The following ARHGEF4 variants were observed in gnomAD, a reference collection of about 807,000 sequenced individuals.
The protein encoded by ARHGEF4 is Rho guanine nucleotide exchange factor 4, also known as APC-stimulated guanine nucleotide exchange factor 1.
A neutral mutation model predicts 162.0 loss-of-function variants in ARHGEF4; 119 were observed. The ratio of observed to expected loss-of-function variants is 0.73; its 90% CI spans 0.63 to 0.86. The LOEUF is 0.86. ARHGEF4 is among the 40% of genes least tolerant of loss of function. The pLI is 0.00. For synonymous variants in ARHGEF4, 1,014 were observed against 979.9 expected, an observed-to-expected ratio of 1.03 and a Z score of -0.65; for missense variants, 2,488 against 2,456.0, an observed-to-expected ratio of 1.01 and a Z score of -0.28.
At chr2:130,856,387 G>A (rs1681786630) in intron 1 of ARHGEF4, among the ~76,000 whole-genome samples, 1 of 151,984 alleles carries the variant, frequency 6.6e-6, no homozygotes, top group African/African-American at 2.4e-5. Context: ...ACATATATGG[G>A]GATAAAAGGA....
chr2:130,932,539 C>G (rs547992152), intron 3 of ARHGEF4, among the ~76,000 whole-genome samples: 3 of 152,310 alleles, frequency 2.0e-5, no homozygotes, highest in Admixed American at 2.0e-4. Flanking sequence ...GAATGTAAGA[C>G]CATTATAAGA....
chr2:131,020,843 T>C (rs2105352603), intron 4 of ARHGEF4, among the ~76,000 whole-genome samples: 1 of 152,318 alleles, frequency 6.6e-6, no homozygotes, highest in Non-Finnish European at 1.5e-5. Flanking sequence ...CCACATCCTC[T>C]CCAGCACCTG....
chr2:130,837,150 C>T (rs1187718379), intron 1 of ARHGEF4, among the ~76,000 whole-genome samples, 158 bp downstream of exon 1: 1 of 152,092 alleles, frequency 6.6e-6, no homozygotes, highest in Non-Finnish European at 1.5e-5. Flanking sequence ...AACTTTCCGA[C>T]GTGCAGACCG....
intron 1 of ARHGEF4, among the ~76,000 whole-genome samples, chr2:130,856,699 T>A (rs1440497847): frequency 1.3e-5 from 2 of 152,240 alleles, no homozygotes; most frequent in Non-Finnish European, 2.9e-5. Flanking sequence ...ATATACCTAA[T>A]GTTAAATGAC....
chr2:130,907,682 G>A lies in ARHGEF4; in HGVS notation c.40-6304G>A, dbSNP rs574579851. On this transcript the variant is annotated intron_variant, in intron 1 of 13. Transcript: ENST00000409359. ...AATTTTGTATATTGAGTCCAGGTGC[G>A]GTGGCCCACGCCTGTAATCCCAGCA... Among the ~76,000 whole-genome samples, 12 of 151,804 alleles carry A rather than the reference G, an allele frequency of 7.9e-5. No homozygotes were observed. The South Asian group carries it at 8.3e-4, about 11-fold the overall frequency.
At chr2:131,025,031 C>T (rs564755116) in intron 4 of ARHGEF4, among the ~76,000 whole-genome samples, 3 of 152,172 alleles carry the variant, frequency 2.0e-5, no homozygotes, top group South Asian at 4.1e-4. Context: ...GCCTCCAGGT[C>T]GGAGACAGAG....
At chr2:130,953,924 G>A (rs1684112033) in intron 4 of ARHGEF4, among the ~76,000 whole-genome samples, 1 of 152,226 alleles carries the variant, frequency 6.6e-6, no homozygotes, top group Non-Finnish European at 1.5e-5. Flanking sequence ...AGAGAATGTG[G>A]AGAAATAGGA....
chr2:130,865,178 G>A (rs1362768987), intron 1 of ARHGEF4, among the ~76,000 whole-genome samples: 1 of 152,234 alleles, frequency 6.6e-6, no homozygotes, highest in Non-Finnish European at 1.5e-5. Context: ...TCTCAGAAGA[G>A]AGAGGAAATT....
At chr2:130,886,636 G>A (rs1215999830) in intron 1 of ARHGEF4, among the ~76,000 whole-genome samples, 4 of 150,630 alleles carry the variant, frequency 2.7e-5, no homozygotes, top group East Asian at 1.9e-4. Context: ...AGCCGAGATC[G>A]CGCCACTGCA....
chr2:130,952,887 T>C (rs1684040189), intron 4 of ARHGEF4, among the ~76,000 whole-genome samples: 1 of 152,082 alleles, frequency 6.6e-6, no homozygotes, highest in East Asian at 1.9e-4. Context: ...TACAAACCAC[T>C]GCTCAATGAA....
intron 1 of ARHGEF4, among the ~76,000 whole-genome samples, chr2:130,844,601 T>A (rs1209700244): frequency 6.6e-6 from 1 of 152,122 alleles, no homozygotes; most frequent in Non-Finnish European, 1.5e-5. Flanking sequence ...AAGCTGCCCC[T>A]CTTCCCAGGG....
chr2:130,911,721 G>A (rs375172701), intron 1 of ARHGEF4, among the ~76,000 whole-genome samples: 1 of 152,264 alleles, frequency 6.6e-6, no homozygotes, highest in Non-Finnish European at 1.5e-5. Flanking sequence ...TTGAGACTGA[G>A]GGAGGCCTCT....
intron 1 of ARHGEF4, among the ~76,000 whole-genome samples, chr2:130,907,902 A>G (rs972359578): frequency 2.0e-5 from 3 of 151,286 alleles, no homozygotes; most frequent in Non-Finnish European, 2.9e-5. Flanking sequence ...GGTTGCAGTG[A>G]GCCGAGATCA....
At chr2:130,905,257 A>G (rs1185180849) in intron 1 of ARHGEF4, among the ~76,000 whole-genome samples, 3 of 152,130 alleles carry the variant, frequency 2.0e-5, no homozygotes, top group African/African-American at 7.2e-5. Flanking sequence ...CATTTTGTGT[A>G]TATAGCTTAA....
chr2:130,934,594 G>C (rs1682830456), intron 3 of ARHGEF4, among the ~76,000 whole-genome samples: 1 of 152,168 alleles, frequency 6.6e-6, no homozygotes, highest in African/African-American at 2.4e-5. Flanking sequence ...CCAGGCTAGA[G>C]TGCAGCAGCA....
chr2:130,995,827 G>A (rs1200179148), intron 4 of ARHGEF4, among the ~76,000 whole-genome samples: 1 of 151,568 alleles, frequency 6.6e-6, no homozygotes, highest in African/African-American at 2.4e-5. Flanking sequence ...ACCCCTTGGG[G>A]CACTCTTGCA....
Position 130,916,875 on chromosome 2 carries a change from G to A in ARHGEF4, c.2929G>A (p.Glu977Lys), listed in dbSNP as rs1178310406. ...CCTAGTGAGTCTGCCTCTAGGACCC[G>A]AAGTTCTCTCCCCAGCAGAGACCGA... Reference protein sequence around the residue: ...PTLVSLPLGPEVLSPAETDSH... With the variant: ...PTLVSLPLGPKVLSPAETDSH... Residue 977 changes from glutamate to lysine, a missense_variant, in exon 2 of 14, where the codon GAA (glutamate) becomes AAA (lysine). Glu to Lys is a moderately conservative substitution (Grantham distance 56). Around this residue, in one of 6 missense-constraint regions of ARHGEF4, gnomAD observed 1,642 missense variants for 1,481.5 expected, o/e 1.11. Transcript: ENST00000409359. 6.5e-7 allele frequency: 1 copy of A among 1,550,350 alleles called. No individual in the cohort carries two copies. The highest frequency in any genetic ancestry group is 8.7e-7 in the Non-Finnish European group (1 of 1,146,984).
intron 2 of ARHGEF4, among the ~76,000 whole-genome samples, chr2:130,925,035 A>AGTGTGTGTGT (rs55986926): frequency 4.2e-4 from 58 of 137,886 alleles, no homozygotes; most frequent in Admixed American, 1.6e-3. Context: ...AGGAGTTCTA[A>AGTGTGTGTGT]GTGTGTGTGT....
rs1426907516 is a variant in ARHGEF4, at chr2:130,917,169, G to A, written c.3223G>A (p.Ala1075Thr). 1 of 1,550,458 alleles carries A rather than the reference G, an allele frequency of 6.4e-7. No homozygotes were observed. The highest frequency in any genetic ancestry group is 1.2e-5 in the South Asian group (1 of 84,040). Reference protein sequence around the residue: ...GIAHTLPSSSACCLAYENPGT... With the variant: ...GIAHTLPSSSTCCLAYENPGT... The stretch of plus-strand genomic sequence containing the variant: ...CGCACACACCCTGCCTTCCAGCTCT[G>A]CCTGCTGCCTGGCATATGAAAACCC... The change falls in exon 2 of 14, where the codon GCC becomes ACC. Residue 1075 changes from alanine to threonine, a missense_variant. Transcript: ENST00000409359.
Sources: allele counts gnomAD v4.1 joint callset (sites outside exome capture counted in the v4.1 genomes callset), GRCh38; gene constraint gnomAD v4.1.1; regional missense constraint gnomAD v4.1.1; transcripts MANE v1.5; gene names NCBI Gene and HGNC (gene_info 2026-07-23, HGNC 2026-07-21).